Variants in BEND4 observed in about 807,000 individuals in gnomAD.
BEND4 encodes BEN domain containing 4, also known as BEN domain-containing protein 4.
A neutral mutation model predicts 54.7 loss-of-function variants in BEND4; 27 were observed. That is an observed-to-expected ratio of 0.49 (90% CI 0.36 to 0.68). The LOEUF is 0.68. Among genes scored for constraint, BEND4 ranks in the 30% least tolerant of loss-of-function variants. BEND4 has a pLI of 0.00. For missense variants in BEND4, 702 were observed against 697.2 expected, an observed-to-expected ratio of 1.01 and a Z score of -0.08; for synonymous variants, 327 against 299.5, an observed-to-expected ratio of 1.09 and a Z score of -0.95.
Position 42,140,125 on chromosome 4 carries a change from T to C in BEND4, c.1054+3303A>G, listed in dbSNP as rs181245333. On this transcript the variant is annotated intron_variant, in intron 3 of 5. Transcript: ENST00000502486. ...GCAGTGACTTCTCCCTTTGATCAAG[T>C]TTTCATCTCCCAGTGACACTTTAAC... Among the ~76,000 whole-genome samples, 301 of 152,290 alleles carry C rather than the reference T, an allele frequency of 2.0e-3. 1 individual carries two copies. The highest frequency in any genetic ancestry group is 6.9e-3 in the African/African-American group (288 of 41,556).
chr4:42,124,249 G>A (rs1720184304), intron 4 of BEND4, among the ~76,000 whole-genome samples: 1 of 152,128 alleles, frequency 6.6e-6, no homozygotes, highest in Admixed American at 6.5e-5. Flanking sequence ...GCTATTTGCG[G>A]GGCTGAGGTG....
rs893641355 is a variant in BEND4, at chr4:42,114,113, G to A, written c.*3405C>T. On this transcript the variant is annotated 3_prime_UTR_variant, in exon 6 of 6. Coordinates refer to ENST00000502486, the MANE Select transcript of BEND4 (RefSeq NM_207406.4). The stretch of plus-strand genomic sequence containing the variant: ...GCATTTAACACTAAGGTTAAGCCAT[G>A]AGATTTTGAACAATGCACCGTCAAG... 1 of 152,158 alleles carries A rather than the reference G, an allele frequency of 6.6e-6. No homozygotes were observed. The highest frequency in any genetic ancestry group is 2.4e-5 in the African/African-American group (1 of 41,432). The allele number at this position is 152,158 out of a possible 1,614,324, so 9.4% of individuals were successfully genotyped here.
rs531015995 is a variant in BEND4, at chr4:42,118,667, T to C, written c.1388-932A>G. On this transcript the variant is annotated intron_variant, in intron 5 of 5. Coordinates refer to ENST00000502486, the MANE Select transcript of BEND4 (RefSeq NM_207406.4). The stretch of plus-strand genomic sequence containing the variant: ...TTGAGTAAGAATTTCTGGAAAATGA[T>C]ACAGCGATGAGACCCCTTATTTGGC... 1.3e-4 allele frequency among the ~76,000 whole-genome samples: 20 copies of C among 152,346 alleles called. No homozygotes were observed. In the South Asian group the frequency reaches 4.1e-3, roughly 32 times the overall value.
At chr4:42,148,019 A>G (rs1721137562) in intron 2 of BEND4, among the ~76,000 whole-genome samples, 1 of 152,226 alleles carries the variant, frequency 6.6e-6, no homozygotes, top group Non-Finnish European at 1.5e-5. Flanking sequence ...GGTGAAATAT[A>G]TTAATATTAA....
At chr4:42,140,879 G>A (rs531550528) in intron 3 of BEND4, among the ~76,000 whole-genome samples, 1 of 152,332 alleles carries the variant, frequency 6.6e-6, no homozygotes, top group African/African-American at 2.4e-5. Context: ...CTGAGTGGCT[G>A]ATGAAAGTCT....
At chr4:42,133,421 A>T (rs925920753) in intron 3 of BEND4, among the ~76,000 whole-genome samples, 1 of 152,190 alleles carries the variant, frequency 6.6e-6, no homozygotes, top group African/African-American at 2.4e-5. Context: ...CAATTAACTG[A>T]CAAAAAAGCC....
In BEND4 at chr4:42,143,907, T is replaced by C. The variant is rs191493014; in HGVS notation, c.575A>G (p.Asn192Ser). Residue 192 changes from asparagine (N) to serine (S), a missense_variant, in exon 3 of 6, where the codon AAC (asparagine) becomes AGC (serine). Transcript: ENST00000502486. ...GCAAGAAATCATGGACTGAGAATGG[T>C]TGGAGTCCAGGAGTTTTCCTCCACA... ...LNCGGKLLDS[N>S]HSQSMISCVK... 125 of 1,539,972 alleles carry C rather than the reference T, an allele frequency of 8.1e-5. 1 individual carries two copies. In the South Asian group the frequency reaches 1.0e-3, roughly 13 times the overall value.
intron 3 of BEND4, among the ~76,000 whole-genome samples, chr4:42,136,113 GC>G (rs1720689374): frequency 6.6e-6 from 1 of 152,092 alleles, no homozygotes; most frequent in African/African-American, 2.4e-5. Flanking sequence ...CCACCTCAGA[GC>G]CCCCACTTTA....
At chr4:42,130,159 A>C (rs1486897295) in intron 3 of BEND4, among the ~76,000 whole-genome samples, 1 of 152,194 alleles carries the variant, frequency 6.6e-6, no homozygotes, top group Non-Finnish European at 1.5e-5. Flanking sequence ...AAGTTCAACA[A>C]CACTGATCAT....
intron 2 of BEND4, among the ~76,000 whole-genome samples, chr4:42,150,418 T>G (rs1721224952): frequency 6.6e-6 from 1 of 152,232 alleles, no homozygotes; most frequent in Non-Finnish European, 1.5e-5. Context: ...TAACCTGTAA[T>G]TAGGTTTTCT....
At chr4:42,150,769 C>G (rs1042021633) in intron 2 of BEND4, among the ~76,000 whole-genome samples, 2 of 152,204 alleles carry the variant, frequency 1.3e-5, no homozygotes, top group African/African-American at 4.8e-5. Context: ...CCCGCAGACT[C>G]GAGATAAAGG....
intron 3 of BEND4, among the ~76,000 whole-genome samples, chr4:42,134,288 C>T (rs1720615011): frequency 6.6e-6 from 1 of 152,220 alleles, no homozygotes; most frequent in Non-Finnish European, 1.5e-5. Context: ...ACTCCACATA[C>T]ACTTTCATAG....
At chr4:42,124,219 G>T (rs902747046) in intron 4 of BEND4, among the ~76,000 whole-genome samples, 7 of 152,164 alleles carry the variant, frequency 4.6e-5, no homozygotes, top group Admixed American at 6.5e-5. Flanking sequence ...TGGGCGTGGT[G>T]GTGCACACCT....
At position 42,152,031 on chromosome 4, in the gene BEND4, G is replaced by A; in HGVS notation, c.113C>T (p.Ala38Val). 1.6e-6 allele frequency: 2 copies of A among 1,252,312 alleles called. No individual in the cohort carries two copies. The highest frequency in any genetic ancestry group is 1.0e-6 in the Non-Finnish European group (1 of 991,772). The allele number at this position is 1,252,312 out of a possible 1,614,324, so 77.6% of individuals were successfully genotyped here. The change falls in exon 2 of 6, where the codon GCC (alanine) becomes GTC (valine). Residue 38 changes from alanine to valine, a missense_variant. Coordinates refer to ENST00000502486, the MANE Select transcript of BEND4 (RefSeq NM_207406.4). ...CAGGGTGGGTCGCTCGTAGCGCTTG[G>A]CCAGCGCCGGTCTCTTGCTGGGGAA... ...KTFPSKRPAL[A>V]KRYERPTLVE...
Position 42,117,743 on chromosome 4 carries a change from A to G in BEND4, c.1388-8T>C, listed in dbSNP as rs776081444. The G allele has an allele frequency of 6.4e-7, 1 of 1,565,054 alleles. No homozygotes were observed. Among genetic ancestry groups the G allele is most frequent in the Non-Finnish European group, 8.7e-7 (1 of 1,148,762 alleles). On this transcript the variant is annotated splice_region_variant and splice_polypyrimidine_tract_variant and intron_variant, in intron 5 of 5. Coordinates refer to ENST00000502486, the MANE Select transcript of BEND4 (RefSeq NM_207406.4). ...AATGCATCCTAATGAATTCTGCAGG[A>G]ATATATACAACATCAAAAAGAGAGA...
At chr4:42,119,884 G>C (rs1305767695) in intron 5 of BEND4, 170 bp downstream of exon 5, 2 of 760,414 alleles carry the variant, frequency 2.6e-6, no homozygotes, top group Non-Finnish European at 4.4e-6. Flanking sequence ...GGCAAACGGA[G>C]GTTTTTAAAA....
chr4:42,135,294 T>C (rs1340617537), intron 3 of BEND4, among the ~76,000 whole-genome samples: 2 of 152,150 alleles, frequency 1.3e-5, no homozygotes, highest in African/African-American at 4.8e-5. Context: ...GGCCAACTAA[T>C]TGAATGGTGA....
In BEND4 at chr4:42,120,099, G is replaced by A; in HGVS notation, c.1342C>T (p.Pro448Ser). Residue 448 changes from proline to serine, a missense_variant, in exon 5 of 6, where the codon CCC (proline) becomes TCC (serine). Coordinates refer to ENST00000502486, the MANE Select transcript of BEND4 (RefSeq NM_207406.4). ...ACTGGATCCAGAGGGCGTCTTTCGG[G>A]ACCTGTCTCTCCTGACTGCACTGAC... ...KRSVQSGETG[P>S]ERRPLDPVKV... is the part of the protein sequence containing the mutation. The A allele has an allele frequency of 1.2e-6, 2 of 1,613,914 alleles. No individual in the cohort carries two copies. Among genetic ancestry groups the A allele is most frequent in the Non-Finnish European group, 1.7e-6 (2 of 1,179,860 alleles).
At chr4:42,136,079 CAG>C (rs1720687806) in intron 3 of BEND4, among the ~76,000 whole-genome samples, 1 of 152,128 alleles carries the variant, frequency 6.6e-6, no homozygotes, top group Non-Finnish European at 1.5e-5. Context: ...CTGTAATACT[CAG>C]AATGTATTAA....
Sources: allele counts gnomAD v4.1 joint callset (sites outside exome capture counted in the v4.1 genomes callset), GRCh38; gene constraint gnomAD v4.1.1; transcripts MANE v1.5; gene names NCBI Gene and HGNC (gene_info 2026-07-23, HGNC 2026-07-21).